Variants in SCAF11 observed in about 807,000 individuals in gnomAD.
The protein encoded by SCAF11 is SR-related CTD associated factor 11, also known as protein SCAF11.
A neutral mutation model predicts 140.5 loss-of-function variants in SCAF11; 47 were observed. The ratio of observed to expected loss-of-function variants is 0.33; its 90% CI spans 0.26 to 0.43. The LOEUF (loss-of-function observed/expected upper bound fraction) is 0.43, where lower values mean the gene tolerates loss of function less well. Ranked by LOEUF, SCAF11 falls within the 20% of genes least tolerant of loss-of-function variation. SCAF11 has a pLI of 1.00. For missense variants in SCAF11, 1,645 were observed against 1,705.1 expected (o/e 0.96, Z 0.62); for synonymous variants, 557 against 579.4 (o/e 0.96, Z 0.55).
At chr12:45,972,623 C>T in intron 1 of SCAF11, among the ~76,000 whole-genome samples, 1 of 104,312 alleles carries the variant, frequency 9.6e-6, no homozygotes, top group East Asian at 2.7e-4. Flanking sequence ...AAAACAAAAA[C>T]AAAAACATCA....
At chr12:45,933,067 G>C in intron 9 of SCAF11, 64 bp downstream of exon 9, 1 of 1,057,362 alleles carries the variant, frequency 9.5e-7, no homozygotes, top group Non-Finnish European at 1.4e-6. Context: ...TTGTACTTAA[G>C]TACTAATGCT....
intron 3 of SCAF11, among the ~76,000 whole-genome samples, chr12:45,957,446 A>G (rs1452846048): frequency 6.6e-6 from 1 of 152,162 alleles, no homozygotes; most frequent in Non-Finnish European, 1.5e-5. Flanking sequence ...ACCTTCACCT[A>G]TGTTGAACAC....
At chr12:45,922,265 G>A (rs1944733248) in intron 14 of SCAF11, 71 bp from the exon 15 acceptor site, 7 of 1,511,324 alleles carry the variant, frequency 4.6e-6, no homozygotes, top group Non-Finnish European at 4.4e-6. Flanking sequence ...AGAAAGCTTT[G>A]TGAAAAACAA....
intron 1 of SCAF11, 116 bp downstream of exon 1, chr12:45,990,235 CTT>C (rs1273505627): frequency 3.3e-6 from 4 of 1,218,098 alleles, no homozygotes; most frequent in African/African-American, 1.6e-5. Context: ...GATTCCGAAA[CTT>C]TGTCAGCCCT....
intron 1 of SCAF11, among the ~76,000 whole-genome samples, chr12:45,984,819 C>T (rs938503444): frequency 6.6e-6 from 1 of 152,066 alleles, no homozygotes; most frequent in East Asian, 1.9e-4. Flanking sequence ...CTCAGCCTCC[C>T]ATGTAGCTGG....
chr12:45,957,185 A>G (rs2136597736), intron 3 of SCAF11, among the ~76,000 whole-genome samples: 2 of 152,362 alleles, frequency 1.3e-5, no homozygotes, highest in Admixed American at 1.3e-4. Flanking sequence ...AGAGAGCTAC[A>G]TAACAGAGGT....
intron 1 of SCAF11, among the ~76,000 whole-genome samples, chr12:45,964,824 G>C (rs1592209400): frequency 6.6e-6 from 1 of 152,188 alleles, no homozygotes; most frequent in Admixed American, 6.5e-5. Flanking sequence ...TAGATGTGTT[G>C]AGGAACTTCA....
At chr12:45,968,137 T>C (rs1390767978) in intron 1 of SCAF11, among the ~76,000 whole-genome samples, 1 of 152,258 alleles carries the variant, frequency 6.6e-6, no homozygotes, top group Non-Finnish European at 1.5e-5. Context: ...ATTCTACCTA[T>C]ACTACTTATT....
chr12:45,928,857 T>C lies in SCAF11; in HGVS notation c.844A>G (p.Thr282Ala). 2 of 1,439,678 alleles carry C rather than the reference T, an allele frequency of 1.4e-6. No homozygotes were observed. The highest frequency in any genetic ancestry group is 1.8e-6 in the Non-Finnish European group (2 of 1,090,374). The allele number at this position is 1,439,678 out of a possible 1,614,324, so 89.2% of individuals were successfully genotyped here. The change falls in exon 11 of 15, where the codon ACT becomes GCT. Residue 282 changes from threonine to alanine, a missense_variant and splice_region_variant. By Grantham distance (58) the Thr-to-Ala change is moderately conservative. Transcript: ENST00000369367. Reference protein sequence around the residue: ...TSTISFEHFGTSCKGYALAHT... With the variant: ...TSTISFEHFGASCKGYALAHT... ...GCTAATGCATATCCCTTGCAAGAAG[T>C]ACCTAATAATATTTAAAAAAAAAAA...
chr12:45,930,445 GTT>G (rs1262102132), intron 10 of SCAF11, among the ~76,000 whole-genome samples: 1 of 123,720 alleles, frequency 8.1e-6, no homozygotes. Context: ...GTTGTGTTTT[GTT>G]TTTTTTTTGT....
intron 3 of SCAF11, 92 bp downstream of exon 3, chr12:45,961,608 A>T: frequency 9.6e-7 from 1 of 1,036,352 alleles, no homozygotes; most frequent in Non-Finnish European, 1.4e-6. Flanking sequence ...AAAATACATT[A>T]CTGTGAAATA....
chr12:45,930,569 C>A (rs1265154226), intron 10 of SCAF11, among the ~76,000 whole-genome samples: 1 of 149,886 alleles, frequency 6.7e-6, no homozygotes, highest in African/African-American at 2.5e-5. Context: ...CACTTGAGTA[C>A]ACCAGAATAG....
At position 45,935,789 on chromosome 12, in the gene SCAF11, A is replaced by G. The variant is rs146430873; in HGVS notation, c.464-1284T>C. Among the ~76,000 whole-genome samples the G allele has an allele frequency of 3.3e-4, 51 of 152,342 alleles. 1 individual carries two copies. The East Asian group carries it at 9.0e-3, about 27-fold the overall frequency. ...AAATCCAGTTCAAAAGCTGTTTCAC[A>G]TATTTCTGGGTAATTCTCAGGTAAT... is the stretch of plus-strand genomic sequence containing the variant. On this transcript the variant is annotated intron_variant, in intron 6 of 14. Transcript: ENST00000369367.
In SCAF11 at chr12:45,927,310, T is replaced by C. The variant is rs1944902277; in HGVS notation, c.2391A>G (p.Pro797=). 4 of 1,614,128 alleles carry C rather than the reference T, an allele frequency of 2.5e-6. No individual in the cohort carries two copies. The highest frequency in any genetic ancestry group is 1.3e-5 in the African/African-American group (1 of 75,038). ...CTTTGTTGGGTGACCAAGTTGTAGA[T>C]GGAGAATGAAATCTAGATCTTCGAG... ...PRTRRSRFHS[P]STTWSPNKDT... is the part of the protein sequence containing the mutation. The change falls in exon 11 of 15, where the codon CCA becomes CCG. Residue 797 remains proline, a synonymous_variant. Coordinates refer to ENST00000369367, the MANE Select transcript of SCAF11 (RefSeq NM_004719.3).
intron 1 of SCAF11, among the ~76,000 whole-genome samples, chr12:45,966,591 T>G (rs1379720096): frequency 6.6e-6 from 1 of 152,036 alleles, no homozygotes; most frequent in Non-Finnish European, 1.5e-5. Flanking sequence ...GGAAAGCTTC[T>G]GTGATAAAGG....
intron 13 of SCAF11, 60 bp from the exon 14 acceptor site, chr12:45,922,642 CA>C: frequency 6.7e-7 from 1 of 1,490,566 alleles, no homozygotes; most frequent in African/African-American, 1.4e-5. Flanking sequence ...CACAAAATCC[CA>C]AACAAGAAAT....
intron 6 of SCAF11, among the ~76,000 whole-genome samples, chr12:45,939,527 T>C (rs1465857788): frequency 6.6e-6 from 1 of 151,382 alleles, no homozygotes; most frequent in Non-Finnish European, 1.5e-5. Context: ...GAAATTCCCC[T>C]GTCTCTACTA....
chr12:45,925,427 C>T (rs1038953018), intron 11 of SCAF11, among the ~76,000 whole-genome samples: 3 of 151,904 alleles, frequency 2.0e-5, no homozygotes, highest in East Asian at 1.9e-4. Context: ...TGGTGGTGAG[C>T]GCCTGTAATC....
chr12:45,965,376 A>G (rs984399373), intron 1 of SCAF11, among the ~76,000 whole-genome samples: 1 of 152,232 alleles, frequency 6.6e-6, no homozygotes, highest in Non-Finnish European at 1.5e-5. Context: ...TCCTGGCCTA[A>G]AAGACTAGGA....
Sources: allele counts gnomAD v4.1 joint callset (sites outside exome capture counted in the v4.1 genomes callset), GRCh38; gene constraint gnomAD v4.1.1; transcripts MANE v1.5; gene names NCBI Gene and HGNC (gene_info 2026-07-23, HGNC 2026-07-21).